GLCE: variants seen among roughly 807,000 people sequenced by gnomAD.
GLCE encodes D-glucuronyl C5-epimerase.
Under a neutral mutation model 47.9 loss-of-function variants are expected in GLCE, and 19 were observed. The ratio of observed to expected loss-of-function variants is 0.40; its 90% CI spans 0.28 to 0.58. The LOEUF is 0.58. Among genes scored for constraint, GLCE ranks in the 20% least tolerant of loss-of-function variants. GLCE has a pLI of 0.48. For missense variants in GLCE, 556 were observed against 743.3 expected (o/e 0.75, Z 2.93); for synonymous variants, 245 against 263.4 (o/e 0.93, Z 0.68).
At chr15:69,242,772 TG>T (rs1482550835) in intron 2 of GLCE, among the ~76,000 whole-genome samples, 4 of 152,022 alleles carry the variant, frequency 2.6e-5, no homozygotes, top group Non-Finnish European at 5.9e-5. Context: ...GAACTAGGTG[TG>T]GTAGCTCATG....
rs2053169793 is a variant in GLCE at position 69,271,759 on chromosome 15, G to A, written c.*2515G>A. 6.6e-6 allele frequency: 1 copy of A among 152,558 alleles called. No individual in the cohort carries two copies. Among genetic ancestry groups the A allele is most frequent in the Non-Finnish European group, 1.5e-5 (1 of 68,042 alleles). 9.5% of individuals were successfully genotyped at this position (152,558 alleles called of 1,614,324 possible). A position where few individuals can be genotyped will look rare whatever the true frequency, so the allele number is the denominator to read the frequency against. ...CCAAAAGTTTCTGGATGAAGGTCAA[G>A]TTTGACCTTTTAGGAGTTATTGTAC... is the stretch of plus-strand genomic sequence containing the variant. On this transcript the variant is annotated 3_prime_UTR_variant, in exon 5 of 5. Transcript: ENST00000261858.
At chr15:69,227,278 C>T (rs1383075610) in intron 2 of GLCE, among the ~76,000 whole-genome samples, 3 of 152,056 alleles carry the variant, frequency 2.0e-5, no homozygotes, top group African/African-American at 7.3e-5. Flanking sequence ...CTAACTAATA[C>T]CCTATAGAAA....
At chr15:69,207,630 C>T (rs1243601308) in intron 1 of GLCE, among the ~76,000 whole-genome samples, 1 of 152,048 alleles carries the variant, frequency 6.6e-6, no homozygotes. Context: ...AGGAATACCA[C>T]AGTTTGTTTA....
intron 2 of GLCE, among the ~76,000 whole-genome samples, chr15:69,225,254 T>C (rs777408901): frequency 5.3e-5 from 8 of 151,536 alleles, no homozygotes; most frequent in Non-Finnish European, 7.4e-5. Context: ...TAATAAAGAG[T>C]AAGCCCTTAG....
Position 69,160,675 on chromosome 15 carries a change from C to A in GLCE, c.-187C>A, listed in dbSNP as rs554592068. ...TGCCGAGAGGCTGGAGCTGCGGCAC[C>A]GCAGGCCTGAGCCACCCCTTCTCTG... On this transcript the variant is annotated 5_prime_UTR_variant, in exon 1 of 5. Coordinates refer to ENST00000261858, the MANE Select transcript of GLCE (RefSeq NM_015554.3). This position sits in a 1 kb window ranked among gnomAD's most constrained non-coding sequence, Gnocchi z 4.2. 3 of 153,070 alleles carry A rather than the reference C, an allele frequency of 2.0e-5. No individual in the cohort carries two copies. The East Asian group carries it at 5.8e-4, about 30-fold the overall frequency. The allele number at this position is 153,070 out of a possible 1,614,324, so 9.5% of individuals were successfully genotyped here. A position where few individuals can be genotyped will look rare whatever the true frequency, so the allele number is the denominator to read the frequency against.
chr15:69,218,530 G>GA (rs1409412389), intron 2 of GLCE, among the ~76,000 whole-genome samples: 3 of 152,062 alleles, frequency 2.0e-5, no homozygotes, highest in Non-Finnish European at 4.4e-5. Flanking sequence ...AAAGTGATGA[G>GA]AAGTGTTAGA....
At chr15:69,235,090 A>ATTTTTT (rs2052577156) in intron 2 of GLCE, among the ~76,000 whole-genome samples, 1 of 82,488 alleles carries the variant, frequency 1.2e-5, no homozygotes, top group African/African-American at 5.7e-5. Flanking sequence ...GATGAAGATT[A>ATTTTTT]TTCTTTTTTT....
intron 2 of GLCE, among the ~76,000 whole-genome samples, chr15:69,245,768 A>G (rs1429593539): frequency 6.6e-6 from 1 of 152,050 alleles, no homozygotes; most frequent in Non-Finnish European, 1.5e-5. Flanking sequence ...TCACTCTGTC[A>G]TCTAGGCTGG....
intron 2 of GLCE, among the ~76,000 whole-genome samples, chr15:69,247,276 C>T (rs1238230160): frequency 6.6e-6 from 1 of 152,236 alleles, no homozygotes; most frequent in African/African-American, 2.4e-5. Context: ...GCTTCTACAT[C>T]AGCACTTGCT....
At chr15:69,250,252 C>T (rs1208624696) in intron 2 of GLCE, among the ~76,000 whole-genome samples, 1 of 152,058 alleles carries the variant, frequency 6.6e-6, no homozygotes, top group African/African-American at 2.4e-5. Flanking sequence ...GTGTCTGTGT[C>T]AGTTTTCTAT....
At chr15:69,228,373 G>A (rs985118954) in intron 2 of GLCE, among the ~76,000 whole-genome samples, 1 of 152,140 alleles carries the variant, frequency 6.6e-6, no homozygotes, top group Non-Finnish European at 1.5e-5. Flanking sequence ...GTGTTTTAAG[G>A]TCTTAGAGTT....
At chr15:69,230,601 C>T (rs554545388) in intron 2 of GLCE, among the ~76,000 whole-genome samples, 1 of 152,294 alleles carries the variant, frequency 6.6e-6, no homozygotes, top group African/African-American at 2.4e-5. Context: ...GGGAGTTGCT[C>T]TCTCATTAGC....
In GLCE at chr15:69,236,235, C is replaced by T. The variant is rs995157450; in HGVS notation, c.-13-19559C>T. On this transcript the variant is annotated intron_variant, in intron 2 of 4. Coordinates refer to ENST00000261858, the MANE Select transcript of GLCE (RefSeq NM_015554.3). ...TCATTAATAAACTGCTGTAACCATA[C>T]ATGTTCATAACCTGTTTAGTTTTAA... Among the ~76,000 whole-genome samples, 67 of 140,496 alleles carry T rather than the reference C, an allele frequency of 4.8e-4. 1 individual carries two copies. The highest frequency in any genetic ancestry group is 2.2e-3 in the African/African-American group (66 of 30,368). The allele number at this position is 140,496 out of a possible 152,430, so 92.2% of individuals were successfully genotyped here.
rs140310470 is a variant in GLCE at position 69,192,268 on chromosome 15, T to A, written c.-104-18048T>A. Among the ~76,000 whole-genome samples, 203 of 152,172 alleles carry A rather than the reference T, an allele frequency of 1.3e-3. 1 individual carries two copies. The highest frequency in any genetic ancestry group is 4.7e-3 in the African/African-American group (195 of 41,540). On this transcript the variant is annotated intron_variant, in intron 1 of 4. Transcript: ENST00000261858. ...GTGTGTGTGTGTGTGTTTCTCTCTG[T>A]CTTCATTTTTGGATAGTTTTATTCC...
chr15:69,200,993 G>A (rs931646812), intron 1 of GLCE, among the ~76,000 whole-genome samples: 15 of 151,984 alleles, frequency 9.9e-5, no homozygotes, highest in Admixed American at 5.3e-4. Context: ...TTCCACCCTC[G>A]TTCCCTGGCA....
intron 1 of GLCE, among the ~76,000 whole-genome samples, chr15:69,188,197 A>C (rs2051856814): frequency 6.6e-6 from 1 of 152,170 alleles, no homozygotes. Context: ...TTGCCACTGC[A>C]CTCCAGCTTG....
chr15:69,189,816 A>AT (rs1054715995), intron 1 of GLCE, among the ~76,000 whole-genome samples: 1 of 150,966 alleles, frequency 6.6e-6, no homozygotes, highest in Non-Finnish European at 1.5e-5. Flanking sequence ...TCTCTTTCTA[A>AT]TTTTTTTTTA....
chr15:69,247,673 G>A (rs1384729068), intron 2 of GLCE, among the ~76,000 whole-genome samples: 1 of 152,168 alleles, frequency 6.6e-6, no homozygotes, highest in Non-Finnish European at 1.5e-5. Context: ...TGAGAGACAT[G>A]TGGCTCTTCC....
intron 1 of GLCE, among the ~76,000 whole-genome samples, chr15:69,192,066 G>C (rs948627219): frequency 2.6e-5 from 4 of 152,112 alleles, no homozygotes; most frequent in Admixed American, 2.6e-4. Flanking sequence ...TATCCTGCTA[G>C]ATATTGCTTG....
Sources: gnomAD v4.1 joint callset for allele counts (sites outside exome capture counted in the v4.1 genomes callset) on GRCh38, gnomAD v4.1.1 for gene constraint, Gnocchi (gnomAD v3.1) non-coding constraint, MANE v1.5 for transcripts, NCBI Gene and HGNC (gene_info 2026-07-23, HGNC 2026-07-21) for gene names.